UBE2E2: variants seen among roughly 807,000 people sequenced by gnomAD.
UBE2E2 encodes the protein ubiquitin conjugating enzyme E2 E2.
UBE2E2 carries 6 observed loss-of-function variants against 24.7 expected under a neutral mutation model. The observed-to-expected ratio is 0.24, with a 90% CI of 0.13 to 0.48. The LOEUF (loss-of-function observed/expected upper bound fraction) is 0.48, where lower values mean the gene tolerates loss of function less well. Ranked by LOEUF, UBE2E2 falls within the 20% of genes least tolerant of loss-of-function variation. The pLI is 0.99. For synonymous variants in UBE2E2, 104 were observed against 83.6 expected, an observed-to-expected ratio of 1.24 and a Z score of -1.33; for missense variants, 169 against 245.0, an observed-to-expected ratio of 0.69 and a Z score of 2.07.
intron 3 of UBE2E2, among the ~76,000 whole-genome samples, chr3:23,239,911 T>C (rs1697213694): frequency 6.6e-6 from 1 of 152,186 alleles, no homozygotes; most frequent in African/African-American, 2.4e-5. Context: ...AGCTTTTGCT[T>C]AGTATGATTT....
intron 4 of UBE2E2, among the ~76,000 whole-genome samples, chr3:23,504,727 T>C (rs558934937): frequency 6.6e-6 from 1 of 152,290 alleles, no homozygotes; most frequent in Non-Finnish European, 1.5e-5. Context: ...TATCTCATTA[T>C]TTCTTTTCGT....
At chr3:23,396,637 G>A (rs1327412860) in intron 3 of UBE2E2, among the ~76,000 whole-genome samples, 1 of 151,912 alleles carries the variant, frequency 6.6e-6, no homozygotes, top group African/African-American at 2.4e-5. Flanking sequence ...CTTTCAATCT[G>A]TATGGCCTCA....
intron 3 of UBE2E2, among the ~76,000 whole-genome samples, chr3:23,482,709 G>A (rs756952809): frequency 5.9e-5 from 9 of 152,054 alleles, no homozygotes; most frequent in Non-Finnish European, 1.0e-4. Context: ...GAAAGCCACT[G>A]CAAAGTTTTA....
rs189541789 is a variant in UBE2E2, at chr3:23,552,746, A to G, written c.508+20045A>G. Among the ~76,000 whole-genome samples, 98 of 152,288 alleles carry G rather than the reference A, an allele frequency of 6.4e-4. 5 individuals carry two copies. In the East Asian group the frequency reaches 0.015, roughly 23 times the overall value. On this transcript the variant is annotated intron_variant, in intron 5 of 5. Transcript: ENST00000396703. ...CCTCAGTTCTCCATCAGTTGTTGCCACATGAATGCAAGTACATTCTGAAAT... is the reference window on the plus strand; with the variant it reads ...CCTCAGTTCTCCATCAGTTGTTGCCGCATGAATGCAAGTACATTCTGAAAT...
intron 3 of UBE2E2, among the ~76,000 whole-genome samples, chr3:23,422,145 G>T (rs1311862342): frequency 6.6e-6 from 1 of 152,122 alleles, no homozygotes; most frequent in African/African-American, 2.4e-5. Context: ...AGAAGTAGAA[G>T]TTGGTACTTA....
intron 3 of UBE2E2, among the ~76,000 whole-genome samples, chr3:23,488,722 G>C (rs1699433413): frequency 6.6e-6 from 1 of 152,172 alleles, no homozygotes; most frequent in Non-Finnish European, 1.5e-5. Flanking sequence ...TCAGAAGCTT[G>C]TTTATACTGC....
intron 3 of UBE2E2, among the ~76,000 whole-genome samples, chr3:23,369,726 C>G (rs907611836): frequency 6.6e-6 from 1 of 152,080 alleles, no homozygotes; most frequent in Admixed American, 6.6e-5. Context: ...GCATTAAGGT[C>G]CTATGAGTCT....
At chr3:23,496,990 T>A (rs1010419120) in intron 3 of UBE2E2, among the ~76,000 whole-genome samples, 1 of 152,218 alleles carries the variant, frequency 6.6e-6, no homozygotes, top group African/African-American at 2.4e-5. Context: ...GTTATATGTA[T>A]ATATGCTGTA....
At chr3:23,533,013 G>A (rs971066047) in intron 5 of UBE2E2, among the ~76,000 whole-genome samples, 2 of 152,146 alleles carry the variant, frequency 1.3e-5, no homozygotes, top group Admixed American at 1.3e-4. Flanking sequence ...AATTCAAGTT[G>A]AATAGCTTAA....
At chr3:23,549,494 G>A (rs1695595101) in intron 5 of UBE2E2, among the ~76,000 whole-genome samples, 2 of 152,150 alleles carry the variant, frequency 1.3e-5, no homozygotes, top group Admixed American at 1.3e-4. Flanking sequence ...TGTCAAGAAA[G>A]CCAGAGCCTT....
intron 3 of UBE2E2, among the ~76,000 whole-genome samples, chr3:23,488,574 A>G (rs1699429499): frequency 6.6e-6 from 1 of 152,228 alleles, no homozygotes; most frequent in South Asian, 2.1e-4. Context: ...GAAAGTAATA[A>G]TTATGCAATT....
At chr3:23,418,043 A>G (rs1697685584) in intron 3 of UBE2E2, among the ~76,000 whole-genome samples, 1 of 152,098 alleles carries the variant, frequency 6.6e-6, no homozygotes, top group Admixed American at 6.5e-5. Context: ...CCCTTGCTTC[A>G]GCCCCTTTTC....
chr3:23,518,197 T>C (rs1694785753), intron 4 of UBE2E2, among the ~76,000 whole-genome samples: 1 of 152,078 alleles, frequency 6.6e-6, no homozygotes, highest in Non-Finnish European at 1.5e-5. Flanking sequence ...CAAGATACTC[T>C]AGAAGGTGGA....
intron 3 of UBE2E2, among the ~76,000 whole-genome samples, chr3:23,350,501 G>T (rs201995906): frequency 6.6e-6 from 1 of 152,144 alleles, no homozygotes; most frequent in Admixed American, 6.5e-5. Flanking sequence ...AAATTTAGAC[G>T]AATGTATAAC....
intron 3 of UBE2E2, among the ~76,000 whole-genome samples, chr3:23,372,523 A>T (rs1025418824): frequency 1.3e-5 from 2 of 152,014 alleles, no homozygotes; most frequent in Non-Finnish European, 2.9e-5. Context: ...TCTGTTTTGA[A>T]TTTTTTTCTT....
In UBE2E2 at chr3:23,318,780, A is replaced by C. The variant is rs190430661; in HGVS notation, c.227+101468A>C. ...TCCCACAACATATGGGAATTATGGG[A>C]GTTAGCATTCAAGATGAAATTTGGG... On this transcript the variant is annotated intron_variant, in intron 3 of 5. Transcript: ENST00000396703. Among the ~76,000 whole-genome samples the C allele has an allele frequency of 4.6e-5, 7 of 152,276 alleles. No individual in the cohort carries two copies. In the East Asian group the frequency reaches 9.6e-4, roughly 21 times the overall value.
At chr3:23,265,828 T>C (rs1451259245) in intron 3 of UBE2E2, among the ~76,000 whole-genome samples, 2 of 152,234 alleles carry the variant, frequency 1.3e-5, no homozygotes, top group African/African-American at 4.8e-5. Context: ...ATCTGGGTGC[T>C]CCTGTGTTGG....
intron 3 of UBE2E2, among the ~76,000 whole-genome samples, chr3:23,285,572 T>C (rs1559333294): frequency 6.6e-6 from 1 of 152,244 alleles, no homozygotes; most frequent in African/African-American, 2.4e-5. Context: ...TCATTTTAAC[T>C]GGGGTGAGAT....
chr3:23,268,379 T>C (rs1298268905), intron 3 of UBE2E2, among the ~76,000 whole-genome samples: 1 of 151,906 alleles, frequency 6.6e-6, no homozygotes, highest in African/African-American at 2.4e-5. Flanking sequence ...AAAATCAATG[T>C]ACAAAAATCA....
Sources: allele counts gnomAD v4.1 joint callset (sites outside exome capture counted in the v4.1 genomes callset), GRCh38; gene constraint gnomAD v4.1.1; transcripts MANE v1.5; gene names NCBI Gene and HGNC (gene_info 2026-07-23, HGNC 2026-07-21).